Variants in PARG observed in about 807,000 individuals in gnomAD.
The protein encoded by PARG is poly(ADP-ribose) glycohydrolase, also known as mitochondrial poly(ADP-ribose) glycohydrolase.
A neutral mutation model predicts 113.0 loss-of-function variants in PARG; 35 were observed. The observed-to-expected ratio is 0.31, with a 90% CI of 0.24 to 0.41. PARG has a LOEUF of 0.41. Among genes scored for constraint, PARG ranks in the 10% least tolerant of loss-of-function variants. The probability of loss-of-function intolerance (pLI) is 1.00; values close to 1 mark genes in which losing one functional copy is unlikely to be tolerated. For synonymous variants in PARG, 330 were observed against 409.9 expected (o/e 0.81, Z 2.36); for missense variants, 797 against 1,169.4 (o/e 0.68, Z 4.64).
intron 4 of PARG, among the ~76,000 whole-genome samples, chr10:49,929,435 T>G (rs1202163835): frequency 6.6e-6 from 1 of 152,174 alleles, no homozygotes; most frequent in Non-Finnish European, 1.5e-5. Context: ...ATGATTATTA[T>G]CTCAGTGATT....
chr10:49,869,074 G>A (rs1400580505), intron 10 of PARG, among the ~76,000 whole-genome samples: 7 of 150,282 alleles, frequency 4.7e-5, no homozygotes, highest in African/African-American at 1.2e-4. Context: ...GGCTTAGGGG[G>A]GCACAAAAGA....
intron 4 of PARG, among the ~76,000 whole-genome samples, chr10:49,929,064 T>G (rs1268769575): frequency 6.6e-6 from 1 of 152,170 alleles, no homozygotes; most frequent in East Asian, 1.9e-4. Context: ...AAATAGAAGA[T>G]TTTAAAAACT....
chr10:49,848,669 G>A (rs1845622982), intron 13 of PARG, among the ~76,000 whole-genome samples: 1 of 151,572 alleles, frequency 6.6e-6, no homozygotes, highest in East Asian at 1.9e-4. Flanking sequence ...TGCTCCCAAG[G>A]TATTTTGCAC....
intron 2 of PARG, 130 bp from the exon 3 acceptor site, chr10:49,934,293 A>G: frequency 1.6e-6 from 1 of 612,910 alleles, no homozygotes; most frequent in Admixed American, 2.9e-5. Context: ...GTCTTCTATG[A>G]CTCCATGTCT....
At chr10:49,839,527 G>T (rs1845122019) in intron 15 of PARG, among the ~76,000 whole-genome samples, 1 of 152,104 alleles carries the variant, frequency 6.6e-6, no homozygotes, top group Non-Finnish European at 1.5e-5. Flanking sequence ...ATAAATAAAT[G>T]TTCTTCCATG....
intron 15 of PARG, among the ~76,000 whole-genome samples, chr10:49,841,445 T>C (rs1845232926): frequency 6.6e-6 from 1 of 152,212 alleles, no homozygotes; most frequent in Admixed American, 6.5e-5. Context: ...GGTTCATTTT[T>C]ATATTTCTGT....
intron 15 of PARG, among the ~76,000 whole-genome samples, chr10:49,835,847 G>A (rs1554830998): frequency 6.6e-6 from 1 of 152,062 alleles, no homozygotes; most frequent in African/African-American, 2.4e-5. Context: ...AGTCAACAAC[G>A]AAGCACAAAC....
At chr10:49,860,730 G>T (rs1399448772) in intron 12 of PARG, among the ~76,000 whole-genome samples, 2 of 151,132 alleles carry the variant, frequency 1.3e-5, no homozygotes, top group East Asian at 1.9e-4. Flanking sequence ...GCTTTCTTTA[G>T]ATTCTGAACC....
At chr10:49,854,966 G>A (rs1395048419) in intron 13 of PARG, among the ~76,000 whole-genome samples, 1 of 143,634 alleles carries the variant, frequency 7.0e-6, no homozygotes, top group African/African-American at 2.5e-5. Context: ...AAAGAAATGA[G>A]AAAGTATGGC....
intron 15 of PARG, among the ~76,000 whole-genome samples, chr10:49,838,440 A>G (rs1364568752): frequency 1.3e-5 from 2 of 150,704 alleles, no homozygotes; most frequent in Non-Finnish European, 3.0e-5. Context: ...TCAAAAAAAA[A>G]AAAAAAAAAA....
At chr10:49,823,515 G>T (rs1554829025) in intron 16 of PARG, among the ~76,000 whole-genome samples, 2 of 152,020 alleles carry the variant, frequency 1.3e-5, no homozygotes, top group Non-Finnish European at 2.9e-5. Context: ...TCAGAGTATT[G>T]AAAGTAATTA....
chr10:49,931,427 C>G (rs1208749172), intron 4 of PARG, among the ~76,000 whole-genome samples: 13 of 152,024 alleles, frequency 8.6e-5, no homozygotes, highest in African/African-American at 3.1e-4. Context: ...AAGATCAGTG[C>G]TTGGGATATT....
chr10:49,834,997 C>T (rs1844846417), intron 15 of PARG, among the ~76,000 whole-genome samples: 1 of 151,948 alleles, frequency 6.6e-6, no homozygotes, highest in African/African-American at 2.4e-5. Context: ...AGTATGCTGC[C>T]CTGAGCCCTC....
chr10:49,881,811 A>T (rs1416157962), intron 8 of PARG, among the ~76,000 whole-genome samples: 1 of 152,222 alleles, frequency 6.6e-6, no homozygotes, highest in African/African-American at 2.4e-5. Flanking sequence ...TATTTTCACT[A>T]TGTTATACAA....
At chr10:49,937,606 T>C (rs1838817888) in intron 1 of PARG, among the ~76,000 whole-genome samples, 1 of 152,160 alleles carries the variant, frequency 6.6e-6, no homozygotes, top group Non-Finnish European at 1.5e-5. Flanking sequence ...AATGACTAGG[T>C]TCCTATAACA....
At chr10:49,894,362 A>G (rs1554842240) in intron 7 of PARG, among the ~76,000 whole-genome samples, 1 of 151,768 alleles carries the variant, frequency 6.6e-6, no homozygotes, top group Non-Finnish European at 1.5e-5. Context: ...TAGCTTGCCT[A>G]TTTTCCTAAT....
chr10:49,869,622 A>G (rs1310236000), intron 9 of PARG, 67 bp from the exon 10 acceptor site: 3 of 678,056 alleles, frequency 4.4e-6, no homozygotes, highest in Non-Finnish European at 8.1e-6. Flanking sequence ...ACAAAACTAC[A>G]TCCATATTGC....
At chr10:49,869,191 TC>T (rs1210026543) in intron 10 of PARG, among the ~76,000 whole-genome samples, 1 of 151,766 alleles carries the variant, frequency 6.6e-6, no homozygotes, top group Non-Finnish European at 1.5e-5. Context: ...CAATATACTT[TC>T]TCTGGTTTTT....
intron 12 of PARG, among the ~76,000 whole-genome samples, chr10:49,859,553 T>C (rs1407352251): frequency 1.3e-5 from 2 of 152,158 alleles, no homozygotes; most frequent in Admixed American, 6.5e-5. Context: ...CCTAAAAGTA[T>C]AATGATATTG....
Sources: allele counts gnomAD v4.1 joint callset (sites outside exome capture counted in the v4.1 genomes callset), GRCh38; gene constraint gnomAD v4.1.1; transcripts MANE v1.5; gene names NCBI Gene and HGNC (gene_info 2026-07-23, HGNC 2026-07-21).